HTATIP2: variants seen among roughly 807,000 people sequenced by gnomAD.
HTATIP2 encodes HIV-1 Tat interactive protein 2, also known as protein HTATIP2.
Under a neutral mutation model 24.7 loss-of-function variants are expected in HTATIP2, and 26 were observed. That is an observed-to-expected ratio of 1.05 (90% CI 0.77 to 1.46). The LOEUF (loss-of-function observed/expected upper bound fraction) is 1.46, where lower values mean the gene tolerates loss of function less well. Ranked by LOEUF, HTATIP2 falls within the 40% of genes most tolerant of loss-of-function variation. The probability of loss-of-function intolerance (pLI) is 0.00; values close to 1 mark genes in which losing one functional copy is unlikely to be tolerated. For missense variants in HTATIP2, 284 were observed against 289.6 expected (o/e 0.98, Z 0.14); for synonymous variants, 99 against 113.2 (o/e 0.87, Z 0.79).
intron 2 of HTATIP2, among the ~76,000 whole-genome samples, chr11:20,375,212 A>C (rs1391780245): frequency 6.6e-6 from 1 of 152,114 alleles, no homozygotes; most frequent in Non-Finnish European, 1.5e-5. Flanking sequence ...TGTGAAAGAT[A>C]CACATCGCCC....
chr11:20,379,873 G>A (rs1848493932), intron 3 of HTATIP2, among the ~76,000 whole-genome samples: 1 of 152,134 alleles, frequency 6.6e-6, no homozygotes, highest in East Asian at 1.9e-4. Flanking sequence ...AGGTTTCATA[G>A]GACTCAGCAT....
In HTATIP2 at chr11:20,382,245, TATAATATTTATA is replaced by T; in HGVS notation, c.503+7_503+18del. 1 of 1,490,018 alleles carries T rather than the reference TATAATATTTATA, an allele frequency of 6.7e-7. No individual in the cohort carries two copies. The highest frequency in any genetic ancestry group is 9.4e-7 in the Non-Finnish European group (1 of 1,067,424). 92.3% of individuals were successfully genotyped at this position (1,490,018 alleles called of 1,614,324 possible). ...TACTCTGTATTTAGGCCTGGGTAAG[TATAATATTTATA>T]CTGAATGAGAGTATGCCACTGATGG... On this transcript the variant is annotated splice_region_variant and intron_variant, in intron 4 of 4. Transcript: ENST00000451739.
At chr11:20,371,293 G>A (rs1162728658) in intron 2 of HTATIP2, among the ~76,000 whole-genome samples, 1 of 152,204 alleles carries the variant, frequency 6.6e-6, no homozygotes, top group Non-Finnish European at 1.5e-5. Context: ...GCCCTGTTTG[G>A]TTGCCAAGTA....
intron 2 of HTATIP2, among the ~76,000 whole-genome samples, chr11:20,371,089 CTT>C (rs879537052): frequency 2.3e-4 from 35 of 152,286 alleles, no homozygotes; most frequent in Non-Finnish European, 4.0e-4. Flanking sequence ...TCTGTGGCTG[CTT>C]TTGTGCTATT....
chr11:20,376,480 C>A, intron 2 of HTATIP2, 100 bp from the exon 3 acceptor site: 2 of 1,282,864 alleles, frequency 1.6e-6, no homozygotes, highest in South Asian at 1.2e-5. Context: ...TTTAGATCTC[C>A]ATCCTTCTAG....
chr11:20,363,814 GGCCGGGCCTGCGGCGCTGAGC>G lies in HTATIP2; in HGVS notation c.-421_-401del. 8.0e-7 allele frequency: 1 copy of G among 1,245,532 alleles called. No individual in the cohort carries two copies. Among genetic ancestry groups the G allele is most frequent in the East Asian group, 3.1e-5 (1 of 31,746 alleles). 77.2% of individuals were successfully genotyped at this position (1,245,532 alleles called of 1,614,324 possible). ...ACCAGGGAAGGTGGGATGCTCTGAT[GGCCGGGCCTGCGGCGCTGAGC>G]GCGGCGGCGGCGGCTGCTCTGGCGG... On this transcript the variant is annotated 5_prime_UTR_variant, in exon 1 of 5. Transcript: ENST00000451739.
intron 2 of HTATIP2, among the ~76,000 whole-genome samples, chr11:20,370,770 C>G (rs1178471113): frequency 6.6e-6 from 1 of 152,300 alleles, no homozygotes; most frequent in East Asian, 1.9e-4. Context: ...CTGCCTCAGC[C>G]TCCCAAGTAG....
chr11:20,378,341 T>A (rs1464853337), intron 3 of HTATIP2, among the ~76,000 whole-genome samples: 1 of 152,154 alleles, frequency 6.6e-6, no homozygotes, highest in Admixed American at 6.6e-5. Flanking sequence ...TCTTGCTCTG[T>A]CACCCAGGTT....
At chr11:20,366,944 AATCTGG>A (rs1383559550) in intron 1 of HTATIP2, among the ~76,000 whole-genome samples, 1 of 152,174 alleles carries the variant, frequency 6.6e-6, no homozygotes, top group Non-Finnish European at 1.5e-5. Flanking sequence ...TGACTTCAGA[AATCTGG>A]ATCACCCCTA....
chr11:20,370,944 C>T lies in HTATIP2; in HGVS notation c.303+3663C>T, dbSNP rs746544445. 2.9e-4 allele frequency among the ~76,000 whole-genome samples: 44 copies of T among 152,198 alleles called. 1 individual carries two copies. The highest frequency in any genetic ancestry group is 6.2e-4 in the South Asian group (3 of 4,808). ...GATTACAGGCGTGAGCCACCGCACCCGGCCTATATTTTTAACTGGTTAAAA... is the reference window on the plus strand; with the variant it reads ...GATTACAGGCGTGAGCCACCGCACCTGGCCTATATTTTTAACTGGTTAAAA... On this transcript the variant is annotated intron_variant, in intron 2 of 4. Coordinates refer to ENST00000451739, the MANE Select transcript of HTATIP2 (RefSeq NM_001098522.2).
rs192124878 is a variant in HTATIP2, at chr11:20,370,719, G to A, written c.303+3438G>A. The stretch of plus-strand genomic sequence containing the variant: ...GGCTAGAGTGCAGTGGCGCAATCTC[G>A]GCTCACTGCAAGCTCCGCCTCCTGG... On this transcript the variant is annotated intron_variant, in intron 2 of 4. Transcript: ENST00000451739. Among the ~76,000 whole-genome samples the A allele has an allele frequency of 4.9e-3, 746 of 152,126 alleles. 8 individuals are homozygous for A. The highest frequency in any genetic ancestry group is 0.017 in the African/African-American group (707 of 41,520).
rs1266124153 is a variant in HTATIP2, at chr11:20,383,242, C to A, written c.*37C>A. ...AAATGGTTTTTATTGTCAACCTTAA[C>A]ACCCATCACCAAATCGGTAATTTCA... is the stretch of plus-strand genomic sequence containing the variant. On this transcript the variant is annotated 3_prime_UTR_variant, in exon 5 of 5. Coordinates refer to ENST00000451739, the MANE Select transcript of HTATIP2 (RefSeq NM_001098522.2). The A allele has an allele frequency of 6.8e-7, 1 of 1,462,398 alleles. No individual in the cohort carries two copies. The highest frequency in any genetic ancestry group is 2.3e-5 in the East Asian group (1 of 43,736). 90.6% of individuals were successfully genotyped at this position (1,462,398 alleles called of 1,614,324 possible). A position where few individuals can be genotyped will look rare whatever the true frequency, so the allele number is the denominator to read the frequency against.
chr11:20,376,523 A>C (rs972171411), intron 2 of HTATIP2, 57 bp from the exon 3 acceptor site: 1 of 1,601,378 alleles, frequency 6.2e-7, no homozygotes, highest in Non-Finnish European at 8.5e-7. Context: ...CCAAGTAGTA[A>C]TCTTTAAGAT....
rs143102499 is a variant in HTATIP2, at chr11:20,364,833, A to G, written c.195+401A>G. On this transcript the variant is annotated intron_variant, in intron 1 of 4. Coordinates refer to ENST00000451739, the MANE Select transcript of HTATIP2 (RefSeq NM_001098522.2). ...TTTGTCAACCTGCGCACTTCACACT[A>G]ATATTGTCAGGGATTCTGAAACTGC... Among the ~76,000 whole-genome samples the G allele has an allele frequency of 3.8e-3, 582 of 152,138 alleles. 3 individuals carry two copies. Among genetic ancestry groups the G allele is most frequent in the Non-Finnish European group, 5.2e-3 (351 of 67,968 alleles).
At chr11:20,376,389 G>T (rs1031070827) in intron 2 of HTATIP2, 191 bp from the exon 3 acceptor site, 14 of 595,142 alleles carry the variant, frequency 2.4e-5, no homozygotes, top group African/African-American at 2.3e-4. Flanking sequence ...GCTAAAGCTG[G>T]TGTGCCTATC....
At position 20,374,476 on chromosome 11, in the gene HTATIP2, C is replaced by T. The variant is rs550474800; in HGVS notation, c.304-2104C>T. Among the ~76,000 whole-genome samples, 6 of 152,190 alleles carry T rather than the reference C, an allele frequency of 3.9e-5. No homozygotes were observed. In the South Asian group the frequency reaches 6.2e-4, roughly 16 times the overall value. ...CTGTAGGACAGAAACCATTTCCATACGTTTTTCAGCTTCTAGAGGCCACCC... is the reference window on the plus strand; with the variant it reads ...CTGTAGGACAGAAACCATTTCCATATGTTTTTCAGCTTCTAGAGGCCACCC... On this transcript the variant is annotated intron_variant, in intron 2 of 4. Transcript: ENST00000451739.
At chr11:20,365,534 TC>T (rs2064690995) in intron 1 of HTATIP2, among the ~76,000 whole-genome samples, 1 of 152,252 alleles carries the variant, frequency 6.6e-6, no homozygotes, top group African/African-American at 2.4e-5. Context: ...TTCTTGATTC[TC>T]GCAGGTCTGT....
Position 20,383,581 on chromosome 11 carries a change from C to G in HTATIP2, c.*376C>G, listed in dbSNP as rs1185477607. On this transcript the variant is annotated 3_prime_UTR_variant, in exon 5 of 5. Coordinates refer to ENST00000451739, the MANE Select transcript of HTATIP2 (RefSeq NM_001098522.2). ...GCAGAGTCACAGCAGCCATGAAAAC[C>G]TTATGACCGTGCAAATGAGCTCTGC... is the stretch of plus-strand genomic sequence containing the variant. The G allele has an allele frequency of 4.8e-6, 1 of 208,744 alleles. No individual in the cohort carries two copies. The highest frequency in any genetic ancestry group is 2.3e-5 in the African/African-American group (1 of 42,894). 12.9% of individuals were successfully genotyped at this position (208,744 alleles called of 1,614,324 possible).
intron 2 of HTATIP2, among the ~76,000 whole-genome samples, chr11:20,375,696 T>C (rs1416985987): frequency 6.6e-6 from 1 of 152,218 alleles, no homozygotes; most frequent in Non-Finnish European, 1.5e-5. Flanking sequence ...TGTCTTCAGC[T>C]GTCTTGGGTT....
Sources: gnomAD v4.1 joint callset for allele counts (sites outside exome capture counted in the v4.1 genomes callset) on GRCh38, gnomAD v4.1.1 for gene constraint, MANE v1.5 for transcripts, NCBI Gene and HGNC (gene_info 2026-07-23, HGNC 2026-07-21) for gene names.